Variants in HGFAC observed in about 807,000 individuals in gnomAD.
HGFAC encodes HGF activator.
Under a neutral mutation model 70.6 loss-of-function variants are expected in HGFAC, and 76 were observed. That is an observed-to-expected ratio of 1.08 (90% CI 0.89 to 1.30). The LOEUF (loss-of-function observed/expected upper bound fraction) is 1.30, where lower values mean the gene tolerates loss of function less well. Among genes scored for constraint, HGFAC ranks in the 50% most tolerant of loss-of-function variants. The pLI is 0.00. For synonymous variants in HGFAC, 464 were observed against 405.3 expected (o/e 1.14, Z -1.74); for missense variants, 1,044 against 933.7 (o/e 1.12, Z -1.54).
chr4:3,448,065 C>T (rs762080759), intron 12 of HGFAC, 30 bp downstream of exon 12: 15 of 1,555,916 alleles, frequency 9.6e-6, no homozygotes, highest in South Asian at 5.9e-5. Flanking sequence ...CCCAGCGCCC[C>T]GCCAGGGTGG....
At chr4:3,444,755 G>T in intron 7 of HGFAC, 22 bp downstream of exon 7, 1 of 1,577,946 alleles carries the variant, frequency 6.3e-7, no homozygotes. Flanking sequence ...AGCCCCCCGG[G>T]GTGCCCTGGG....
chr4:3,445,603 G>T, intron 9 of HGFAC: 3 of 601,966 alleles, frequency 5.0e-6, no homozygotes, highest in Non-Finnish European at 8.9e-6. Flanking sequence ...CCTGGACCAT[G>T]CCCAGGATGG....
At chr4:3,441,647 G>C (rs1443538096), upstream of HGFAC, among the ~76,000 whole-genome samples, 2 of 152,260 alleles carry the variant, frequency 1.3e-5, no homozygotes, top group African/African-American at 4.8e-5. The surrounding 1 kb of genome is among the most constrained non-coding windows in gnomAD (Gnocchi z 6.0). Flanking sequence ...ATGGTGGCCA[G>C]CTCTGTGGCC....
intron 4 of HGFAC, among the ~76,000 whole-genome samples, chr4:3,443,797 G>A (rs1220374294): frequency 6.6e-6 from 1 of 152,090 alleles, no homozygotes; most frequent in Non-Finnish European, 1.5e-5. Context: ...TGGGTGTCAG[G>A]CTTCCAGGAA....
Position 3,442,052 on chromosome 4 carries a change from C to G in HGFAC, c.51C>G (p.Gly17=). The G allele has an allele frequency of 6.5e-7, 1 of 1,545,780 alleles. No individual in the cohort carries two copies. The highest frequency in any genetic ancestry group is 8.6e-7 in the Non-Finnish European group (1 of 1,160,302). The change falls in exon 1 of 14, where the codon GGC becomes GGG. Residue 17 remains glycine, a synonymous_variant. Coordinates refer to ENST00000382774, the MANE Select transcript of HGFAC (RefSeq NM_001528.4). ...VPSPWPPPGL[G]PFLLLLLLLL... ...GCCCCTGGCCCCCACCGGGGCTGGGCCCCTTCCTCCTCCTCCTCCTGCTGC... is the reference window on the plus strand; with the variant it reads ...GCCCCTGGCCCCCACCGGGGCTGGGGCCCTTCCTCCTCCTCCTCCTGCTGC...
At chr4:3,444,562 C>T (rs1156453742) in intron 6 of HGFAC, 61 bp from the exon 7 acceptor site, 8 of 1,510,844 alleles carry the variant, frequency 5.3e-6, no homozygotes, top group African/African-American at 1.4e-5. Context: ...ACCCCGGCCC[C>T]GACTCCGCTG....
At chr4:3,445,752 TCTGA>T (rs1399166526) in intron 9 of HGFAC, 21 of 966,362 alleles carry the variant, frequency 2.2e-5, no homozygotes, top group Non-Finnish European at 3.3e-5. Context: ...TGTGGGGGTC[TCTGA>T]CTGTGCTGGG....
upstream of HGFAC, chr4:3,441,947 T>A (rs1235482805): frequency 1.9e-6 from 2 of 1,042,966 alleles, no homozygotes; most frequent in East Asian, 2.9e-5. This position sits in a 1 kb window ranked among gnomAD's most constrained non-coding sequence, Gnocchi z 6.0. Context: ...TGACCCCACC[T>A]GCCTTGGCCG....
At chr4:3,445,548 G>A (rs1189972317) in intron 9 of HGFAC, 198 bp downstream of exon 9, 3 of 614,714 alleles carry the variant, frequency 4.9e-6, no homozygotes, top group Non-Finnish European at 8.7e-6. Context: ...GCCCGCTGCA[G>A]GGGGCTGGTC....
At chr4:3,443,644 G>A (rs1187807638) in intron 4 of HGFAC, among the ~76,000 whole-genome samples, 4 of 152,152 alleles carry the variant, frequency 2.6e-5, no homozygotes, top group East Asian at 3.9e-4. Flanking sequence ...CCAAGGCGCC[G>A]CCTGGTGGTG....
At chr4:3,441,873 T>A (rs1057367845), upstream of HGFAC, 24 of 544,302 alleles carry the variant, frequency 4.4e-5, no homozygotes, top group African/African-American at 4.6e-4. This position sits in a 1 kb window ranked among gnomAD's most constrained non-coding sequence, Gnocchi z 6.0. Flanking sequence ...ACTCGGGGAC[T>A]TCCTCTCCGG....
chr4:3,448,611 G>A (rs1455256734), intron 13 of HGFAC, among the ~76,000 whole-genome samples: 1 of 152,214 alleles, frequency 6.6e-6, no homozygotes, highest in African/African-American at 2.4e-5. Flanking sequence ...CCTTTGCCCC[G>A]AGTTCTCTCA....
In HGFAC at chr4:3,447,965, G is replaced by A; in HGVS notation, c.1566G>A (p.Leu522=). 8.8e-6 allele frequency: 14 copies of A among 1,595,114 alleles called. No individual in the cohort carries two copies. Among genetic ancestry groups the A allele is most frequent in the Non-Finnish European group, 1.2e-5 (14 of 1,171,602 alleles). Residue 522 remains leucine, a synonymous_variant, in exon 12 of 14, where the codon CTG becomes CTA. Coordinates refer to ENST00000382774, the MANE Select transcript of HGFAC (RefSeq NM_001528.4). The part of the protein sequence containing the change: ...TRSQFVQPIC[L]PEPGSTFPAG... ...CGCAGTTCGTGCAGCCCATCTGCCTGCCCGAGCCCGGCAGCACCTTCCCCG... is the reference window on the plus strand; with the variant it reads ...CGCAGTTCGTGCAGCCCATCTGCCTACCCGAGCCCGGCAGCACCTTCCCCG...
At chr4:3,442,641 A>G in intron 1 of HGFAC, 91 bp from the exon 2 acceptor site, 1 of 965,870 alleles carries the variant, frequency 1.0e-6, no homozygotes. Flanking sequence ...GGGCCCCAGT[A>G]TGGAAACAGG....
rs112574591 is a variant in HGFAC at position 3,445,574 on chromosome 4, C to T, written c.1102+224C>T. The T allele has an allele frequency of 2.5e-3, 1,513 of 605,692 alleles. 24 individuals carry two copies. In the African/African-American group the frequency reaches 0.026, roughly 10 times the overall value. The allele number at this position is 605,692 out of a possible 1,614,324, so 37.5% of individuals were successfully genotyped here. On this transcript the variant is annotated intron_variant, in intron 9 of 13. Transcript: ENST00000382774. The stretch of plus-strand genomic sequence containing the variant: ...GGGGCTGGTCACCAGGCGACGGCCT[C>T]GGGGTGGCACCTGCCCAGCCTGGAC...
At position 3,441,993 on chromosome 4, in the gene HGFAC, T is replaced by C. The variant is rs1374311534; in HGVS notation, c.-9T>C. The C allele has an allele frequency of 6.8e-7, 1 of 1,470,226 alleles. No individual in the cohort carries two copies. Among genetic ancestry groups the C allele is most frequent in the Non-Finnish European group, 8.9e-7 (1 of 1,117,370 alleles). The allele number at this position is 1,470,226 out of a possible 1,614,324, so 91.1% of individuals were successfully genotyped here. On this transcript the variant is annotated 5_prime_UTR_variant, in exon 1 of 14. Coordinates refer to ENST00000382774, the MANE Select transcript of HGFAC (RefSeq NM_001528.4). The surrounding 1 kb of genome is among the most constrained non-coding windows in gnomAD (Gnocchi z 6.0). ...GCCTCCCACTGCCCCTCAGGCCAGC[T>C]CAGGAGCCATGGGGCGCTGGGCCTG...
chr4:3,442,965 G>A, intron 2 of HGFAC, 53 bp downstream of exon 2: 1 of 1,552,268 alleles, frequency 6.4e-7, no homozygotes, highest in Non-Finnish European at 8.7e-7. Context: ...AGGGCTGGGT[G>A]GGAGGAGCAT....
chr4:3,447,766 A>G (rs954993439), intron 11 of HGFAC, 129 bp from the exon 12 acceptor site: 2 of 1,517,876 alleles, frequency 1.3e-6, no homozygotes, highest in Non-Finnish European at 1.8e-6. Context: ...AGGACAGGGC[A>G]CCGCTCCCTT....
upstream of HGFAC, among the ~76,000 whole-genome samples, chr4:3,441,709 T>C (rs1443570971): frequency 6.6e-6 from 1 of 152,182 alleles, no homozygotes; most frequent in Non-Finnish European, 1.5e-5. This position sits in a 1 kb window ranked among gnomAD's most constrained non-coding sequence, Gnocchi z 6.0. Flanking sequence ...CTATCTGCAT[T>C]ATCCTGGAAG....
Sources: allele counts gnomAD v4.1 joint callset (sites outside exome capture counted in the v4.1 genomes callset), GRCh38; gene constraint gnomAD v4.1.1; non-coding constraint Gnocchi (gnomAD v3.1); transcripts MANE v1.5; gene names NCBI Gene and HGNC (gene_info 2026-07-23, HGNC 2026-07-21).